Variants in PCDH15 observed in about 807,000 individuals in gnomAD.
PCDH15 encodes protocadherin-15.
Under a neutral mutation model 178.5 loss-of-function variants are expected in PCDH15, and 129 were observed. That is an observed-to-expected ratio of 0.72 (90% CI 0.63 to 0.84). The LOEUF (loss-of-function observed/expected upper bound fraction) is 0.84. PCDH15 is among the 40% of genes least tolerant of loss of function. The pLI is 0.00. For missense variants in PCDH15, 2,230 were observed against 2,099.9 expected, an observed-to-expected ratio of 1.06 and a Z score of -1.21; for synonymous variants, 800 against 732.0, an observed-to-expected ratio of 1.09 and a Z score of -1.50.
chr10:54,084,441 C>T (rs1259463278), intron 16 of PCDH15, among the ~76,000 whole-genome samples: 2 of 151,336 alleles, frequency 1.3e-5, no homozygotes, highest in African/African-American at 4.9e-5. Context: ...CCACAGCTCT[C>T]CAGTCTGGGA....
chr10:55,076,759 G>A (rs1460458767), intron 2 of PCDH15, among the ~76,000 whole-genome samples: 1 of 143,782 alleles, frequency 7.0e-6, no homozygotes. Context: ...TGTGTGGCCT[G>A]TGACCTTTTT....
chr10:55,368,503 G>C (rs1391969075), intron 2 of PCDH15, among the ~76,000 whole-genome samples: 3 of 152,108 alleles, frequency 2.0e-5, no homozygotes, highest in African/African-American at 7.2e-5. Context: ...CTGCATTTAA[G>C]TTTGATTGCT....
intron 26 of PCDH15, among the ~76,000 whole-genome samples, chr10:53,869,443 G>C (rs2079676548): frequency 1.3e-5 from 2 of 151,820 alleles, no homozygotes; most frequent in South Asian, 2.1e-4. Flanking sequence ...AGCAAATTTG[G>C]GCCTAATGTC....
At chr10:55,095,759 A>T in intron 2 of PCDH15, among the ~76,000 whole-genome samples, 1 of 152,110 alleles carries the variant, frequency 6.6e-6, no homozygotes, top group East Asian at 1.9e-4. Flanking sequence ...CAGGTAAAAA[A>T]TTGTGCTTTA....
chr10:54,516,990 C>T (rs2082298178), intron 3 of PCDH15, among the ~76,000 whole-genome samples: 2 of 151,954 alleles, frequency 1.3e-5, no homozygotes, highest in African/African-American at 4.8e-5. Flanking sequence ...AAATAAAATA[C>T]TTTACAGACA....
chr10:55,428,003 A>C (rs1838796912), intron 2 of PCDH15, among the ~76,000 whole-genome samples: 1 of 151,992 alleles, frequency 6.6e-6, no homozygotes, highest in African/African-American at 2.4e-5. Flanking sequence ...TTGAACAGAG[A>C]GACTACATAC....
At position 53,958,559 on chromosome 10, in the gene PCDH15, T is replaced by G. The variant is rs891881471; in HGVS notation, c.3122+1173A>C. 2.0e-5 allele frequency among the ~76,000 whole-genome samples: 3 copies of G among 152,222 alleles called. No homozygotes were observed. In the South Asian group the frequency reaches 6.2e-4, roughly 32 times the overall value. The stretch of plus-strand genomic sequence containing the variant: ...GATACCAGAGAGCTTGCTTTCTCTC[T>G]CTCTCTCCAGATAAGGACATGGCAA... On this transcript the variant is annotated intron_variant, in intron 23 of 37. Transcript: ENST00000644397.
chr10:54,919,633 G>T (rs1056481977), intron 2 of PCDH15, among the ~76,000 whole-genome samples: 1 of 151,868 alleles, frequency 6.6e-6, no homozygotes, highest in African/African-American at 2.4e-5. Flanking sequence ...GTTTTGTTTT[G>T]ATTTATAGTA....
At chr10:54,736,644 T>C (rs1944165765) in intron 1 of PCDH15, among the ~76,000 whole-genome samples, 1 of 152,132 alleles carries the variant, frequency 6.6e-6, no homozygotes, top group Non-Finnish European at 1.5e-5. Flanking sequence ...TTTAGTAAGA[T>C]ATATTAGATG....
intron 2 of PCDH15, among the ~76,000 whole-genome samples, chr10:55,370,639 G>T (rs971414233): frequency 1.3e-5 from 2 of 152,120 alleles, no homozygotes; most frequent in African/African-American, 4.8e-5. Flanking sequence ...CTTACAAATT[G>T]CTTCTTGTTT....
chr10:54,114,130 C>A (rs1260298769), intron 15 of PCDH15, among the ~76,000 whole-genome samples: 2 of 152,134 alleles, frequency 1.3e-5, no homozygotes, highest in Non-Finnish European at 2.9e-5. Context: ...CAAACCATAT[C>A]AATATTCTGT....
chr10:54,027,682 C>T (rs1158996366), intron 18 of PCDH15, among the ~76,000 whole-genome samples: 2 of 147,930 alleles, frequency 1.4e-5, no homozygotes, highest in Non-Finnish European at 3.0e-5. Context: ...GAAAAACAAG[C>T]AATGGGGAAA....
At chr10:55,366,673 T>A (rs961418815) in intron 2 of PCDH15, among the ~76,000 whole-genome samples, 3 of 152,178 alleles carry the variant, frequency 2.0e-5, no homozygotes, top group African/African-American at 7.2e-5. Flanking sequence ...GAATGTTCAC[T>A]AAGTTCTGAC....
chr10:53,821,575 C>A (rs1346166704), intron 32 of PCDH15: 3 of 1,142,136 alleles, frequency 2.6e-6, no homozygotes, highest in Non-Finnish European at 3.2e-6. Context: ...TTTTCATGCC[C>A]ACATATTCCC....
chr10:54,628,417 C>A (rs2093616216), intron 2 of PCDH15, among the ~76,000 whole-genome samples: 1 of 152,144 alleles, frequency 6.6e-6, no homozygotes, highest in Admixed American at 6.5e-5. Flanking sequence ...ACTTTATTGT[C>A]TCTAAAATCA....
intron 1 of PCDH15, among the ~76,000 whole-genome samples, chr10:55,242,031 T>A (rs1480999458): frequency 1.3e-5 from 2 of 152,206 alleles, no homozygotes; most frequent in Non-Finnish European, 2.9e-5. Flanking sequence ...AGTATTTTTG[T>A]AGATAAGCCA....
At chr10:54,160,068 T>C (rs2045556213) in intron 13 of PCDH15, among the ~76,000 whole-genome samples, 1 of 152,148 alleles carries the variant, frequency 6.6e-6, no homozygotes, top group Non-Finnish European at 1.5e-5. Flanking sequence ...ACCATTGTTA[T>C]GTAAAATAAG....
intron 17 of PCDH15, among the ~76,000 whole-genome samples, chr10:54,072,157 C>T (rs1373655114): frequency 6.6e-6 from 1 of 152,000 alleles, no homozygotes; most frequent in Non-Finnish European, 1.5e-5. Flanking sequence ...AAAATCTTCA[C>T]TACTATATCT....
intron 21 of PCDH15, among the ~76,000 whole-genome samples, chr10:53,969,228 CG>C: frequency 6.6e-6 from 1 of 152,012 alleles, no homozygotes. Context: ...CTTCAGTAGC[CG>C]ATTTGATCAA....
Sources: gnomAD v4.1 joint callset for allele counts (sites outside exome capture counted in the v4.1 genomes callset) on GRCh38, gnomAD v4.1.1 for gene constraint, MANE v1.5 for transcripts, NCBI Gene and HGNC (gene_info 2026-07-23, HGNC 2026-07-21) for gene names.